Variants in PHF7 observed in about 807,000 individuals in gnomAD.
PHF7 encodes the protein PHD finger protein 7, also known as E3 ubiquitin-protein ligase PHF7.
In PHF7, 24 loss-of-function variants were observed where a neutral mutation model predicts 47.5. The ratio of observed to expected loss-of-function variants is 0.51; its 90% confidence interval spans 0.37 to 0.71. The LOEUF (loss-of-function observed/expected upper bound fraction) is 0.71. PHF7 is among the 30% of genes least tolerant of loss of function. The pLI, the probability that PHF7 is intolerant of heterozygous loss-of-function variation, is 0.00. For missense variants in PHF7, 361 were observed against 456.8 expected, an observed-to-expected ratio of 0.79 and a Z score of 1.91; for synonymous variants, 156 against 153.8, an observed-to-expected ratio of 1.01 and a Z score of -0.11.
intron 4 of PHF7, among the ~76,000 whole-genome samples, chr3:52,416,595 G>A (rs1222336000): frequency 6.6e-6 from 1 of 151,530 alleles, no homozygotes; most frequent in Admixed American, 6.6e-5. Context: ...AGAACTTTGG[G>A]AGGCCGAGGC....
chr3:52,414,068 G>A lies in PHF7; in HGVS notation c.94+20G>A. 1.3e-6 allele frequency: 2 copies of A among 1,595,680 alleles called. No individual in the cohort carries two copies. Among genetic ancestry groups the A allele is most frequent in the Non-Finnish European group, 1.7e-6 (2 of 1,163,244 alleles). ...GGCCTGGTAAGAAAGACTGGAGCTT[G>A]TGTTCGCCCACTGCCTCCAGCCCTC... On this transcript the variant is annotated intron_variant, in intron 3 of 10. Coordinates refer to ENST00000327906, the MANE Select transcript of PHF7 (RefSeq NM_016483.7).
At position 52,420,941 on chromosome 3, in the gene PHF7, A is replaced by C; in HGVS notation, c.452A>C (p.Gln151Pro). 6.2e-7 allele frequency: 1 copy of C among 1,613,458 alleles called. No individual in the cohort carries two copies. The highest frequency in any genetic ancestry group is 8.5e-7 in the Non-Finnish European group (1 of 1,179,588). ...AAACATCGCCCAACACAGAACATCC[A>C]ACATGGGCATGTGGGGGAGGAAAGC... is the stretch of plus-strand genomic sequence containing the variant. ...CDKHRPTQNI[Q>P]HGHVGEESCI... The change falls in exon 7 of 11, where the codon CAA becomes CCA. Residue 151 changes from glutamine to proline, a missense_variant. Transcript: ENST00000327906.
In PHF7 at chr3:52,421,049, G is replaced by A. The variant is rs764602414; in HGVS notation, c.560G>A (p.Arg187His). ...SPCCSQAIYH[R>H]KCIQKYAHTS... Reference sequence around the variant, plus strand: ...TGTTGTAGTCAAGCCATCTACCACCGCAAGTGCATACAGGTGGGGCTTTTT... The same window carrying A: ...TGTTGTAGTCAAGCCATCTACCACCACAAGTGCATACAGGTGGGGCTTTTT... Residue 187 changes from arginine to histidine, a missense_variant, in exon 7 of 11, where the codon CGC becomes CAC. Transcript: ENST00000327906. 31 of 1,610,182 alleles carry A rather than the reference G, an allele frequency of 1.9e-5. No individual in the cohort carries two copies. Among genetic ancestry groups the A allele is most frequent in the Non-Finnish European group, 2.5e-5 (29 of 1,178,250 alleles).
intron 4 of PHF7, 152 bp downstream of exon 4, chr3:52,414,739 T>C (rs1024969897): frequency 2.4e-6 from 1 of 419,474 alleles, no homozygotes; most frequent in Non-Finnish European, 4.3e-6. Context: ...CTGGGTGCAG[T>C]GGCTCACGCC....
In PHF7 at chr3:52,421,759, T is replaced by C; in HGVS notation, c.680+5T>C. On this transcript the variant is annotated splice_donor_5th_base_variant and intron_variant, in intron 8 of 10. Coordinates refer to ENST00000327906, the MANE Select transcript of PHF7 (RefSeq NM_016483.7). ...GGGAATTCATATTCCAGACAGGTAG[T>C]GGGAACCCCAAAGCAGGAACTGAGC... The C allele has an allele frequency of 6.7e-7, 1 of 1,496,462 alleles. No individual in the cohort carries two copies. The highest frequency in any genetic ancestry group is 9.3e-7 in the Non-Finnish European group (1 of 1,072,842). 92.7% of individuals were successfully genotyped at this position (1,496,462 alleles called of 1,614,324 possible). A position where few individuals can be genotyped will look rare whatever the true frequency, so the allele number is the denominator to read the frequency against.
At chr3:52,413,605 C>T (rs1165186215) in intron 2 of PHF7, among the ~76,000 whole-genome samples, 2 of 152,216 alleles carry the variant, frequency 1.3e-5, no homozygotes, top group African/African-American at 2.4e-5. Flanking sequence ...GAGGCCGAGG[C>T]GGGTGGATCA....
chr3:52,413,151 A>G (rs987866291), intron 2 of PHF7, among the ~76,000 whole-genome samples: 3 of 152,216 alleles, frequency 2.0e-5, no homozygotes, highest in Admixed American at 1.3e-4. Context: ...CCACTTGCCA[A>G]TAACTGTGAC....
chr3:52,421,023 G>T lies in PHF7; in HGVS notation c.534G>T (p.Pro178=). 2 of 1,613,080 alleles carry T rather than the reference G, an allele frequency of 1.2e-6. No homozygotes were observed. Among genetic ancestry groups the T allele is most frequent in the Non-Finnish European group, 1.7e-6 (2 of 1,179,588 alleles). Reference sequence around the variant, plus strand: ...AGAGTGTTGAGAACATCCAGAGCCCGTGTTGTAGTCAAGCCATCTACCACC... The same window carrying T: ...AGAGTGTTGAGAACATCCAGAGCCCTTGTTGTAGTCAAGCCATCTACCACC... ...SQQSVENIQS[P]CCSQAIYHRK... The change falls in exon 7 of 11, where the codon CCG becomes CCT. Residue 178 remains proline (P), a synonymous_variant. Coordinates refer to ENST00000327906, the MANE Select transcript of PHF7 (RefSeq NM_016483.7).
In PHF7 at chr3:52,412,885, G is replaced by A; in HGVS notation, c.6G>A (p.Lys2=). M[K]TVKEKKECQR... ...GGAGAGAGAGACAGCACCGAATGAA[G>A]ACTGTAAAAGAAAAGAAGGAATGCC... is the stretch of plus-strand genomic sequence containing the variant. Residue 2 remains lysine, a synonymous_variant, in exon 2 of 11, where the codon AAG becomes AAA. Transcript: ENST00000327906. The A allele has an allele frequency of 6.2e-7, 1 of 1,609,252 alleles. No individual in the cohort carries two copies. The highest frequency in any genetic ancestry group is 1.1e-5 in the South Asian group (1 of 90,848).
At position 52,420,422 on chromosome 3, in the gene PHF7, T is replaced by G; in HGVS notation, c.400T>G (p.Phe134Val). 1 of 1,614,174 alleles carries G rather than the reference T, an allele frequency of 6.2e-7. No individual in the cohort carries two copies. Among genetic ancestry groups the G allele is most frequent in the Non-Finnish European group, 8.5e-7 (1 of 1,180,016 alleles). Reference sequence around the variant, plus strand: ...AGAAAGGGGTTGCCTTTCACAATTTTTTGGAGAGTACAAGTGAGTGAGGGA... The same window carrying G: ...AGAAAGGGGTTGCCTTTCACAATTTGTTGGAGAGTACAAGTGAGTGAGGGA... The part of the protein sequence containing the change: ...GQERGCLSQF[F>V]GEYKSFCDKH... The change falls in exon 6 of 11, where the codon TTT becomes GTT. Residue 134 changes from phenylalanine (F) to valine (V), a missense_variant. By Grantham distance (50) the Phe-to-Val change is conservative (BLOSUM62 -1). Transcript: ENST00000327906.
Position 52,420,915 on chromosome 3 carries a change from C to G in PHF7, c.426C>G (p.Asp142Glu). The change falls in exon 7 of 11, where the codon GAC (aspartate) becomes GAG (glutamate). Residue 142 changes from aspartate to glutamate, a missense_variant. Transcript: ENST00000327906. Reference protein sequence around the residue: ...QFFGEYKSFCDKHRPTQNIQH... With the variant: ...QFFGEYKSFCEKHRPTQNIQH... ...TTACCTGCCACAGATCATTTTGTGA[C>G]AAACATCGCCCAACACAGAACATCC... is the stretch of plus-strand genomic sequence containing the variant. 6.2e-7 allele frequency: 1 copy of G among 1,608,398 alleles called. No homozygotes were observed. Among genetic ancestry groups the G allele is most frequent in the Non-Finnish European group, 8.5e-7 (1 of 1,177,884 alleles).
intron 2 of PHF7, among the ~76,000 whole-genome samples, 154 bp from the exon 3 acceptor site, chr3:52,413,840 CAT>C (rs1466407391): frequency 1.3e-5 from 2 of 152,122 alleles, no homozygotes; most frequent in Non-Finnish European, 1.5e-5. Context: ...GTCTCAAAAA[CAT>C]ATATATGTGA....
intron 10 of PHF7, 73 bp from the exon 11 acceptor site, chr3:52,423,016 TAG>T: frequency 2.7e-6 from 4 of 1,490,228 alleles, no homozygotes; most frequent in Non-Finnish European, 2.8e-6. Context: ...GGAAAGTAGC[TAG>T]AGAGGAGCTT....
chr3:52,419,960 T>C (rs1705738064), intron 5 of PHF7, 26 bp downstream of exon 5: 4 of 1,350,428 alleles, frequency 3.0e-6, no homozygotes, highest in African/African-American at 1.4e-5. Context: ...AATGAGGACC[T>C]TGGGGTAGGC....
At chr3:52,418,490 C>T (rs1705687099) in intron 4 of PHF7, among the ~76,000 whole-genome samples, 1 of 152,058 alleles carries the variant, frequency 6.6e-6, no homozygotes, top group Non-Finnish European at 1.5e-5. Flanking sequence ...ATCACTCATC[C>T]CAAAGCCCTG....
At chr3:52,412,643 C>A (rs1290326901) in intron 1 of PHF7, among the ~76,000 whole-genome samples, 168 bp from the exon 2 acceptor site, 1 of 152,172 alleles carries the variant, frequency 6.6e-6, no homozygotes, top group African/African-American at 2.4e-5. Context: ...AATAATGGTA[C>A]CTACTGCATG....
chr3:52,420,675 G>A (rs993364714), intron 6 of PHF7, among the ~76,000 whole-genome samples: 1 of 152,208 alleles, frequency 6.6e-6, no homozygotes, highest in Non-Finnish European at 1.5e-5. Flanking sequence ...TCAGCACTAA[G>A]TGGGGCTTTC....
chr3:52,420,273 C>T (rs972653151), intron 5 of PHF7, 38 bp from the exon 6 acceptor site: 1 of 1,609,684 alleles, frequency 6.2e-7, no homozygotes, highest in Admixed American at 1.7e-5. Flanking sequence ...GTTTGCATTT[C>T]TTGGGGTCCT....
intron 3 of PHF7, 38 bp downstream of exon 3, chr3:52,414,086 C>T (rs751175610): frequency 2.3e-5 from 34 of 1,477,316 alleles, no homozygotes; most frequent in Non-Finnish European, 2.8e-5. Context: ...CCACTGCCTC[C>T]AGCCCTCAGC....
Sources: allele counts gnomAD v4.1 joint callset (sites outside exome capture counted in the v4.1 genomes callset), GRCh38; gene constraint gnomAD v4.1.1; transcripts MANE v1.5; gene names NCBI Gene and HGNC (gene_info 2026-07-23, HGNC 2026-07-21).